TVP23B: variants seen among roughly 807,000 people sequenced by gnomAD.
The protein encoded by TVP23B is Golgi apparatus membrane protein TVP23 homolog B.
A neutral mutation model predicts 30.6 loss-of-function variants in TVP23B; 10 were observed. The ratio of observed to expected loss-of-function variants is 0.33; its 90% confidence interval spans 0.20 to 0.55. The LOEUF (loss-of-function observed/expected upper bound fraction) is 0.55. TVP23B is among the 20% of genes least tolerant of loss of function. The pLI, the probability that TVP23B is intolerant of heterozygous loss-of-function variation, is 0.91. For missense variants in TVP23B, 153 were observed against 243.2 expected (o/e 0.63, Z 2.47); for synonymous variants, 67 against 83.1 (o/e 0.81, Z 1.06).
At chr17:18,797,442 G>A in intron 3 of TVP23B, 137 bp from the exon 4 acceptor site, 2 of 1,437,470 alleles carry the variant, frequency 1.4e-6, no homozygotes, top group South Asian at 2.8e-5. Context: ...CTGATACATA[G>A]TAGTCTTTGC....
chr17:18,793,864 C>A (rs1206316607), intron 3 of TVP23B, among the ~76,000 whole-genome samples: 1 of 152,016 alleles, frequency 6.6e-6, no homozygotes, highest in Non-Finnish European at 1.5e-5. Context: ...AAAGTCCAAA[C>A]AAAAGATCTA....
Position 18,781,303 on chromosome 17 carries a change from C to G in TVP23B, c.10C>G (p.Gln4Glu). The change falls in exon 1 of 7, where the codon CAG becomes GAG. Residue 4 changes from glutamine (Q) to glutamate (E), a missense_variant and splice_region_variant. Around this residue, in one of 3 missense-constraint regions of TVP23B, gnomAD observed 38 missense variants for 40.9 expected, o/e 0.93. Coordinates refer to ENST00000307767, the MANE Select transcript of TVP23B (RefSeq NM_016078.6). Reference protein sequence around the residue: MLQQDSNDDTEDVS... With the variant: MLQEDSNDDTEDVS... ...CTGGCGTAGGGCCGCCATGTTGCAG[C>G]AGGTGAGGGGCTGAGGGCTCGCTGG... 5 of 1,579,818 alleles carry G rather than the reference C, an allele frequency of 3.2e-6. No homozygotes were observed. Among genetic ancestry groups the G allele is most frequent in the Non-Finnish European group, 4.3e-6 (5 of 1,163,890 alleles).
chr17:18,783,127 C>T (rs553619008), intron 1 of TVP23B, among the ~76,000 whole-genome samples: 23 of 144,166 alleles, frequency 1.6e-4, no homozygotes, highest in South Asian at 1.3e-3. Flanking sequence ...ATTTATGAGA[C>T]GGAGTTTCAC....
At chr17:18,797,426 C>T (rs2036092549) in intron 3 of TVP23B, 153 bp from the exon 4 acceptor site, 1 of 1,458,604 alleles carries the variant, frequency 6.9e-7, no homozygotes, top group African/African-American at 1.4e-5. Flanking sequence ...AATCACTTAG[C>T]CAGGCCTGAT....
intron 1 of TVP23B, among the ~76,000 whole-genome samples, chr17:18,782,947 A>G (rs1001767274): frequency 2.0e-5 from 3 of 151,248 alleles, no homozygotes; most frequent in East Asian, 1.9e-4. Context: ...GCAGCCCAGT[A>G]GGTTTCAGCC....
intron 1 of TVP23B, among the ~76,000 whole-genome samples, chr17:18,786,133 C>A (rs2035902404): frequency 6.6e-6 from 1 of 152,182 alleles, no homozygotes; most frequent in Non-Finnish European, 1.5e-5. Context: ...CTCACTGACC[C>A]TCCTTTGTTT....
In TVP23B at chr17:18,790,481, A is replaced by AAAAAAG. The variant is rs1567633194; in HGVS notation, c.96-412_96-411insAAGAAA. On this transcript the variant is annotated intron_variant, in intron 2 of 6. Transcript: ENST00000307767. ...TCCGTCTCAAAAAAAAAAAAAAAAG[A>AAAAAAG]AAAGAAAGAAAGAAACAAACTACCT... Among the ~76,000 whole-genome samples, 15 of 28,466 alleles carry AAAAAAG rather than the reference A, an allele frequency of 5.3e-4. 1 individual carries two copies. The highest frequency in any genetic ancestry group is 6.6e-4 in the African/African-American group (6 of 9,082). 18.7% of individuals were successfully genotyped at this position (28,466 alleles called of 152,430 possible).
At chr17:18,785,663 C>G (rs561207911) in intron 1 of TVP23B, among the ~76,000 whole-genome samples, 1 of 151,966 alleles carries the variant, frequency 6.6e-6, no homozygotes, top group Non-Finnish European at 1.5e-5. Flanking sequence ...TGCTTGAGCC[C>G]GGGAGTTTGA....
intron 3 of TVP23B, among the ~76,000 whole-genome samples, chr17:18,793,373 T>C (rs1337029562): frequency 6.7e-6 from 1 of 149,508 alleles, no homozygotes; most frequent in East Asian, 2.0e-4. Context: ...TTTGGGAGGC[T>C]GAGGCGGGTG....
intron 2 of TVP23B, 103 bp downstream of exon 2, chr17:18,789,538 C>T: frequency 1.4e-6 from 2 of 1,396,146 alleles, no homozygotes; most frequent in Non-Finnish European, 2.0e-6. Context: ...TTTCAATGTG[C>T]TTGTGAATAC....
chr17:18,789,553 T>C, intron 2 of TVP23B, 118 bp downstream of exon 2: 2 of 1,317,834 alleles, frequency 1.5e-6, no homozygotes, highest in Non-Finnish European at 2.1e-6. Flanking sequence ...GAATACTGCA[T>C]GTTGCTAATT....
At chr17:18,792,225 G>A (rs1567633969) in intron 3 of TVP23B, among the ~76,000 whole-genome samples, 1 of 151,908 alleles carries the variant, frequency 6.6e-6, no homozygotes, top group African/African-American at 2.4e-5. Context: ...TAGTACAGAC[G>A]GGGTTTCTCC....
intron 1 of TVP23B, among the ~76,000 whole-genome samples, chr17:18,783,174 C>T (rs1460024343): frequency 7.4e-5 from 11 of 149,084 alleles, no homozygotes; most frequent in African/African-American, 2.7e-4. Flanking sequence ...GGTGTGATCT[C>T]GGCTCACTGC....
chr17:18,789,215 T>C, intron 1 of TVP23B, 138 bp from the exon 2 acceptor site: 2 of 1,359,488 alleles, frequency 1.5e-6, no homozygotes, highest in South Asian at 2.8e-5. Flanking sequence ...CATGTGTCCT[T>C]TTCCTAGGTT....
At chr17:18,795,820 G>T (rs1486343864) in intron 3 of TVP23B, 17 of 152,016 alleles carry the variant, frequency 1.1e-4, no homozygotes, top group Non-Finnish European at 1.5e-5. Context: ...ACTTTTATTA[G>T]ATTATGTTGT....
chr17:18,804,013 A>G (rs2036208679), intron 5 of TVP23B, 125 bp from the exon 6 acceptor site: 3 of 621,900 alleles, frequency 4.8e-6, no homozygotes, highest in African/African-American at 3.7e-5. Context: ...AACTGGCACA[A>G]TCATGGCTTT....
rs1361422221 is a variant in TVP23B at position 18,797,588 on chromosome 17, G to A, written c.250G>A (p.Gly84Ser). Residue 84 changes from glycine to serine, a missense_variant, in exon 4 of 7, where the codon GGT becomes AGT. Coordinates refer to ENST00000307767, the MANE Select transcript of TVP23B (RefSeq NM_016078.6). ...TATTAATCTTCACCAGAATGTCACA[G>A]GTAGACTAATGGTTGGCCTACGTTG... is the stretch of plus-strand genomic sequence containing the variant. ...CDFWAVKNVT[G>S]RLMVGLRWWN... 1.2e-6 allele frequency: 2 copies of A among 1,610,032 alleles called. No homozygotes were observed. Among genetic ancestry groups the A allele is most frequent in the Non-Finnish European group, 1.7e-6 (2 of 1,178,628 alleles).
At chr17:18,799,439 T>C (rs1313762242) in intron 5 of TVP23B, among the ~76,000 whole-genome samples, 1 of 152,080 alleles carries the variant, frequency 6.6e-6, no homozygotes, top group Non-Finnish European at 1.5e-5. Flanking sequence ...CTTCATGGCA[T>C]GGTGGCCTCA....
At chr17:18,796,620 A>T (rs893994554) in intron 3 of TVP23B, 2 of 151,460 alleles carry the variant, frequency 1.3e-5, no homozygotes, top group Non-Finnish European at 2.9e-5. Flanking sequence ...AGTACAAAAT[A>T]AAAAAATGCC....
Sources: gnomAD v4.1 joint callset for allele counts (sites outside exome capture counted in the v4.1 genomes callset) on GRCh38, gnomAD v4.1.1 for gene constraint, gnomAD v4.1.1 regional missense constraint, MANE v1.5 for transcripts, NCBI Gene and HGNC (gene_info 2026-07-23, HGNC 2026-07-21) for gene names.